The following KDM4C variants were observed in gnomAD, a reference collection of about 807,000 sequenced individuals.
KDM4C encodes the protein lysine demethylase 4C.
KDM4C carries 81 observed loss-of-function variants against 129.3 expected under a neutral mutation model. The ratio of observed to expected loss-of-function variants is 0.63; its 90% CI spans 0.52 to 0.75. The LOEUF is 0.75. Among genes scored for constraint, KDM4C ranks in the 30% least tolerant of loss-of-function variants. The pLI is 0.00. For missense variants in KDM4C, 1,457 were observed against 1,304.0 expected, an observed-to-expected ratio of 1.12 and a Z score of -1.81; for synonymous variants, 573 against 456.1, an observed-to-expected ratio of 1.26 and a Z score of -3.26.
At chr9:6,954,200 T>A (rs767634629) in intron 8 of KDM4C, among the ~76,000 whole-genome samples, 2 of 152,214 alleles carry the variant, frequency 1.3e-5, no homozygotes, top group African/African-American at 4.8e-5. Flanking sequence ...TCTTTCAGTG[T>A]CTAGTTCAAA....
At chr9:7,057,907 G>A (rs1831086665) in intron 17 of KDM4C, among the ~76,000 whole-genome samples, 2 of 152,166 alleles carry the variant, frequency 1.3e-5, no homozygotes, top group Non-Finnish European at 1.5e-5. Context: ...TTTTGAGCAC[G>A]GACATCGCAT....
At chr9:7,075,790 C>T (rs1313017397) in intron 17 of KDM4C, among the ~76,000 whole-genome samples, 2 of 151,992 alleles carry the variant, frequency 1.3e-5, no homozygotes, top group East Asian at 3.9e-4. Context: ...CCTGGGCATA[C>T]TCTTTAATCA....
rs147191246 is a variant in KDM4C at position 6,765,176 on chromosome 9, A to G, written c.-18+6973A>G. Among the ~76,000 whole-genome samples, 510 of 152,252 alleles carry G rather than the reference A, an allele frequency of 3.3e-3. 3 individuals are homozygous for G. The highest frequency in any genetic ancestry group is 0.012 in the African/African-American group (491 of 41,548). On this transcript the variant is annotated intron_variant, in intron 1 of 21. Transcript: ENST00000381309. The stretch of plus-strand genomic sequence containing the variant: ...CCTCAGGATATTTAAAATTCCTGCC[A>G]TATCTCTTTCTACCCCAAGCTCCAC...
intron 1 of KDM4C, among the ~76,000 whole-genome samples, chr9:6,737,452 G>A (rs1817558853): frequency 6.6e-6 from 1 of 151,358 alleles, no homozygotes; most frequent in South Asian, 2.1e-4. Flanking sequence ...CCTGAGGTCA[G>A]GAATTTAAGA....
chr9:6,930,268 T>C (rs1025857595), intron 8 of KDM4C, among the ~76,000 whole-genome samples: 19 of 152,286 alleles, frequency 1.2e-4, no homozygotes, highest in African/African-American at 4.1e-4. Context: ...TTTCACATTC[T>C]CAGAATAACG....
At chr9:6,897,803 A>T (rs1463242044) in intron 8 of KDM4C, among the ~76,000 whole-genome samples, 1 of 152,256 alleles carries the variant, frequency 6.6e-6, no homozygotes, top group Admixed American at 6.5e-5. Flanking sequence ...GAATCTTTGT[A>T]GCTTTGAATG....
At chr9:6,927,322 G>A (rs1822813587) in intron 8 of KDM4C, among the ~76,000 whole-genome samples, 1 of 152,166 alleles carries the variant, frequency 6.6e-6, no homozygotes, top group Non-Finnish European at 1.5e-5. Flanking sequence ...TAGAGATGGT[G>A]TTTTGCCGTG....
intron 1 of KDM4C, among the ~76,000 whole-genome samples, chr9:6,769,840 A>C (rs1821384046): frequency 2.6e-5 from 4 of 152,210 alleles, no homozygotes; most frequent in African/African-American, 9.6e-5. Flanking sequence ...TCTAGATAGA[A>C]TTTATTTTTG....
At chr9:7,159,757 C>A (rs1587929994) in intron 19 of KDM4C, among the ~76,000 whole-genome samples, 1 of 152,160 alleles carries the variant, frequency 6.6e-6, no homozygotes, top group Non-Finnish European at 1.5e-5. Context: ...CTTGGCTGCC[C>A]TTAACACTTT....
intron 8 of KDM4C, among the ~76,000 whole-genome samples, chr9:6,975,471 G>C (rs1029260081): frequency 6.6e-6 from 1 of 152,180 alleles, no homozygotes; most frequent in East Asian, 1.9e-4. Context: ...GTGTAGAAGT[G>C]CTAGATTTGA....
intron 8 of KDM4C, among the ~76,000 whole-genome samples, chr9:6,930,639 A>C (rs1421169943): frequency 6.7e-6 from 1 of 148,388 alleles, no homozygotes; most frequent in Admixed American, 6.8e-5. Flanking sequence ...ATTCATATGT[A>C]ATATGAATAC....
chr9:6,867,122 T>C (rs991114994), intron 5 of KDM4C, among the ~76,000 whole-genome samples: 5 of 151,120 alleles, frequency 3.3e-5, no homozygotes, highest in Admixed American at 1.3e-4. Context: ...TTCAAGCAAT[T>C]CCCCTGCCTC....
chr9:6,894,267 A>G (rs976833652), intron 8 of KDM4C, among the ~76,000 whole-genome samples: 3 of 152,232 alleles, frequency 2.0e-5, no homozygotes, highest in Admixed American at 1.3e-4. Context: ...ATTCGAATAC[A>G]TTCTTGACAT....
chr9:6,888,078 A>G lies in KDM4C; in HGVS notation c.783+15A>G, dbSNP rs182863336. On this transcript the variant is annotated intron_variant, in intron 7 of 21. Transcript: ENST00000381309. ...CCTTTGACAAGGTATGTTAGTATTC[A>G]TCTTACACAAATTAATTTTGTTTGT... 157 of 1,288,062 alleles carry G rather than the reference A, an allele frequency of 1.2e-4. 1 individual carries two copies. Among genetic ancestry groups the G allele is most frequent in the Non-Finnish European group, 1.6e-4 (143 of 914,772 alleles). 79.8% of individuals were successfully genotyped at this position (1,288,062 alleles called of 1,614,324 possible). A position where few individuals can be genotyped will look rare whatever the true frequency, so the allele number is the denominator to read the frequency against.
intron 1 of KDM4C, among the ~76,000 whole-genome samples, chr9:6,746,789 A>G (rs1206168619): frequency 6.7e-6 from 1 of 148,678 alleles, no homozygotes; most frequent in Non-Finnish European, 1.5e-5. Flanking sequence ...TGGGTGGATC[A>G]CGAGGTCAGG....
chr9:6,988,218 G>T (rs1267348462), intron 11 of KDM4C, among the ~76,000 whole-genome samples: 2 of 150,140 alleles, frequency 1.3e-5, no homozygotes, highest in East Asian at 3.9e-4. Context: ...TTCATGAATG[G>T]CTTAAATGTA....
chr9:7,142,237 G>T (rs117508853), intron 19 of KDM4C, among the ~76,000 whole-genome samples: 84 of 152,132 alleles, frequency 5.5e-4, no homozygotes, highest in South Asian at 1.9e-3. Context: ...CCTTTATTCT[G>T]TGCATGCAGC....
At chr9:7,128,266 C>G (rs780387594) in intron 19 of KDM4C, 30 bp downstream of exon 19, 2 of 1,478,110 alleles carry the variant, frequency 1.4e-6, no homozygotes, top group Non-Finnish European at 1.8e-6. Context: ...TGCCTGCTAC[C>G]CAGAGTAATT....
intron 1 of KDM4C, chr9:6,723,793 A>G (rs532295019): frequency 2.6e-5 from 4 of 152,244 alleles, no homozygotes; most frequent in South Asian, 2.1e-4. Context: ...AAATTAATCT[A>G]TTTGTCTGTG....
Sources: gnomAD v4.1 joint callset for allele counts (sites outside exome capture counted in the v4.1 genomes callset) on GRCh38, gnomAD v4.1.1 for gene constraint, MANE v1.5 for transcripts, NCBI Gene and HGNC (gene_info 2026-07-23, HGNC 2026-07-21) for gene names.